ARID2: variants seen among roughly 807,000 people sequenced by gnomAD.
ARID2 encodes the protein AT-rich interactive domain-containing protein 2.
In ARID2, 32 loss-of-function variants were observed where a neutral mutation model predicts 184.6. That is an observed-to-expected ratio of 0.17 (90% CI 0.13 to 0.23). The LOEUF is 0.23. Ranked by LOEUF, ARID2 falls within the 10% of genes least tolerant of loss-of-function variation. The probability of loss-of-function intolerance (pLI) is 1.00; values close to 1 mark genes in which losing one functional copy is unlikely to be tolerated. For missense variants in ARID2, 1,696 were observed against 2,197.6 expected (o/e 0.77, Z 4.56); for synonymous variants, 836 against 772.6 (o/e 1.08, Z -1.36).
intron 16 of ARID2, among the ~76,000 whole-genome samples, chr12:45,889,024 C>CTTT (rs940480745): frequency 2.0e-5 from 3 of 152,082 alleles, no homozygotes; most frequent in African/African-American, 7.2e-5. Flanking sequence ...CCTGTCTCTA[C>CTTT]TAAAAAAATA....
chr12:45,830,804 C>T (rs1943105153), intron 6 of ARID2, among the ~76,000 whole-genome samples: 1 of 152,134 alleles, frequency 6.6e-6, no homozygotes, highest in Non-Finnish European at 1.5e-5. Context: ...AATCCCAACA[C>T]TTTGACTTTG....
At chr12:45,760,516 CTTTTGTGTT>C (rs550563963) in intron 3 of ARID2, among the ~76,000 whole-genome samples, 586 of 150,712 alleles carry the variant, frequency 3.9e-3, no homozygotes, top group Middle Eastern at 0.01. Flanking sequence ...TTTTGTGTTT[CTTTTGTGTT>C]TTTTGTGTTT....
rs553733516 is a variant in ARID2 at position 45,905,101 on chromosome 12, G to A, written c.*23G>A. The stretch of plus-strand genomic sequence containing the variant: ...TGAAAAATAATTCCACTTACACAGT[G>A]GGGGACTCAAAGTCAGCCACATTTC... On this transcript the variant is annotated 3_prime_UTR_variant, in exon 21 of 21. Transcript: ENST00000334344. The A allele has an allele frequency of 3.1e-6, 5 of 1,606,498 alleles. No homozygotes were observed. Among genetic ancestry groups the A allele is most frequent in the Non-Finnish European group, 4.3e-6 (5 of 1,176,162 alleles).
chr12:45,838,708 A>G, intron 10 of ARID2, among the ~76,000 whole-genome samples: 1 of 152,078 alleles, frequency 6.6e-6, no homozygotes, highest in South Asian at 2.1e-4. Context: ...TTGAGGCTGC[A>G]GTGAGCTGTG....
At chr12:45,894,822 T>C (rs915274780) in intron 20 of ARID2, among the ~76,000 whole-genome samples, 9 of 152,202 alleles carry the variant, frequency 5.9e-5, no homozygotes, top group Non-Finnish European at 1.0e-4. Context: ...TTACTTTTCT[T>C]ACTTTATTTC....
chr12:45,845,682 G>C (rs967618262), intron 11 of ARID2, among the ~76,000 whole-genome samples: 1 of 152,124 alleles, frequency 6.6e-6, no homozygotes, highest in Non-Finnish European at 1.5e-5. Flanking sequence ...ATTCATCAAA[G>C]GTTATGATTG....
chr12:45,839,990 T>C (rs972306805), intron 11 of ARID2: 1 of 153,226 alleles, frequency 6.5e-6, no homozygotes, highest in Non-Finnish European at 1.5e-5. Context: ...TACAAGCATG[T>C]ATACCTGCAT....
At chr12:45,804,395 A>G (rs995064931) in intron 3 of ARID2, among the ~76,000 whole-genome samples, 1 of 152,052 alleles carries the variant, frequency 6.6e-6, no homozygotes, top group Non-Finnish European at 1.5e-5. Flanking sequence ...ATATTGAACT[A>G]TCACTGGACT....
chr12:45,768,869 A>C (rs1012368719), intron 3 of ARID2, among the ~76,000 whole-genome samples: 1 of 152,222 alleles, frequency 6.6e-6, no homozygotes, highest in African/African-American at 2.4e-5. Flanking sequence ...GCAATTGGTG[A>C]TGCCTAACAA....
intron 5 of ARID2, among the ~76,000 whole-genome samples, chr12:45,818,451 G>A (rs925444779): frequency 6.6e-6 from 1 of 152,052 alleles, no homozygotes; most frequent in African/African-American, 2.4e-5. Flanking sequence ...GTTTAATAAA[G>A]ATTTAGAAAT....
intron 3 of ARID2, among the ~76,000 whole-genome samples, chr12:45,792,388 G>C (rs1036693042): frequency 4.6e-5 from 7 of 152,130 alleles, no homozygotes; most frequent in Admixed American, 4.6e-4. Context: ...TATGTACTGT[G>C]ATCAGAGAGC....
At chr12:45,734,305 G>A (rs767105470) in intron 3 of ARID2, among the ~76,000 whole-genome samples, 1 of 152,130 alleles carries the variant, frequency 6.6e-6, no homozygotes, top group Non-Finnish European at 1.5e-5. Context: ...GGAGTCGGAG[G>A]TTGCAGTGAG....
At chr12:45,821,184 T>C (rs1029944795) in intron 5 of ARID2, among the ~76,000 whole-genome samples, 1 of 152,116 alleles carries the variant, frequency 6.6e-6, no homozygotes, top group Non-Finnish European at 1.5e-5. Context: ...ATCTGTATAA[T>C]TATTATGAAA....
At chr12:45,793,236 G>A (rs976495908) in intron 3 of ARID2, among the ~76,000 whole-genome samples, 9 of 152,014 alleles carry the variant, frequency 5.9e-5, no homozygotes, top group Non-Finnish European at 1.3e-4. Context: ...GGAAGCAGAG[G>A]TTGCAGGGAG....
At chr12:45,794,143 C>T (rs188708417) in intron 3 of ARID2, among the ~76,000 whole-genome samples, 5 of 152,122 alleles carry the variant, frequency 3.3e-5, no homozygotes, top group South Asian at 2.1e-4. Context: ...AATCAGAACA[C>T]GTTTCTGTTC....
At chr12:45,903,184 C>A (rs1336064518) in intron 20 of ARID2, among the ~76,000 whole-genome samples, 14 of 152,118 alleles carry the variant, frequency 9.2e-5, no homozygotes, top group Admixed American at 9.2e-4. Context: ...GAGATTGATT[C>A]ATGTTGTTGC....
chr12:45,898,703 G>A (rs1481623944), intron 20 of ARID2, among the ~76,000 whole-genome samples: 8 of 151,890 alleles, frequency 5.3e-5, no homozygotes, highest in African/African-American at 1.9e-4. Context: ...ATCATCCGAG[G>A]TCAGGAGTTT....
chr12:45,738,301 G>C (rs1381742097), intron 3 of ARID2, among the ~76,000 whole-genome samples: 1 of 152,070 alleles, frequency 6.6e-6, no homozygotes, highest in African/African-American at 2.4e-5. Flanking sequence ...TTTCATATGG[G>C]AGATTTTATT....
intron 6 of ARID2, among the ~76,000 whole-genome samples, chr12:45,829,710 A>G (rs1447097627): frequency 2.1e-5 from 3 of 145,624 alleles, no homozygotes; most frequent in Non-Finnish European, 1.5e-5. Flanking sequence ...TCCATGTTCC[A>G]TTTATAGATT....
Sources: allele counts gnomAD v4.1 joint callset (sites outside exome capture counted in the v4.1 genomes callset), GRCh38; gene constraint gnomAD v4.1.1; transcripts MANE v1.5; gene names NCBI Gene and HGNC (gene_info 2026-07-23, HGNC 2026-07-21).